CADM1: variants seen among roughly 807,000 people sequenced by gnomAD.
CADM1 encodes TSLC-1.
CADM1 carries 15 observed loss-of-function variants against 53.1 expected under a neutral mutation model. That is an observed-to-expected ratio of 0.28 (90% CI 0.19 to 0.44). CADM1 has a LOEUF of 0.44. CADM1 is among the 20% of genes least tolerant of loss of function. CADM1 has a pLI of 1.00. For synonymous variants in CADM1, 281 were observed against 243.0 expected, an observed-to-expected ratio of 1.16 and a Z score of -1.45; for missense variants, 434 against 611.3, an observed-to-expected ratio of 0.71 and a Z score of 3.06.
chr11:115,422,728 C>T (rs1016211523), intron 1 of CADM1, among the ~76,000 whole-genome samples: 2 of 152,166 alleles, frequency 1.3e-5, no homozygotes, highest in African/African-American at 4.8e-5. Context: ...AAGAGAAAAA[C>T]TATAAGCTGA....
intron 1 of CADM1, among the ~76,000 whole-genome samples, chr11:115,481,292 T>C (rs1949252796): frequency 1.3e-5 from 2 of 152,186 alleles, no homozygotes; most frequent in Admixed American, 1.3e-4. Flanking sequence ...TCTATAGCCA[T>C]GGTGGCCTCC....
intron 1 of CADM1, among the ~76,000 whole-genome samples, chr11:115,278,238 C>T (rs946378274): frequency 5.3e-5 from 8 of 152,192 alleles, no homozygotes; most frequent in African/African-American, 1.9e-4. Context: ...GTAAACACTT[C>T]GAACAGTAAC....
intron 1 of CADM1, among the ~76,000 whole-genome samples, chr11:115,458,845 T>G (rs1294050353): frequency 6.6e-6 from 1 of 152,120 alleles, no homozygotes; most frequent in Non-Finnish European, 1.5e-5. Flanking sequence ...TATTTCTAAG[T>G]TAAGGCATAC....
Position 115,438,730 on chromosome 11 carries a change from G to C in CADM1, c.124+65541C>G, listed in dbSNP as rs186353616. On this transcript the variant is annotated intron_variant, in intron 1 of 11. Transcript: ENST00000331581. ...ATAATATGGTTTGATCAAAAAAAAA[G>C]GTCCATTTATAGAATGCTTTAGTTG... Among the ~76,000 whole-genome samples, 4 of 149,906 alleles carry C rather than the reference G, an allele frequency of 2.7e-5. No homozygotes were observed. The East Asian group carries it at 7.7e-4, about 29-fold the overall frequency.
chr11:115,301,348 C>G (rs1944215979), intron 1 of CADM1, among the ~76,000 whole-genome samples: 1 of 152,028 alleles, frequency 6.6e-6, no homozygotes. Flanking sequence ...AGTAATGAGA[C>G]TTGGGTGTTG....
intron 1 of CADM1, among the ~76,000 whole-genome samples, chr11:115,254,130 C>G (rs1196287144): frequency 1.3e-5 from 2 of 152,144 alleles, no homozygotes; most frequent in Non-Finnish European, 2.9e-5. Flanking sequence ...TCTTGAGCTC[C>G]TTGAGAGCAG....
At chr11:115,177,725 G>GAGTGTGGGCAGAGGGCGA (rs1939102949) in intron 11 of CADM1, among the ~76,000 whole-genome samples, 1 of 150,852 alleles carries the variant, frequency 6.6e-6, no homozygotes, top group Non-Finnish European at 1.5e-5. Flanking sequence ...ACTGCCTCCT[G>GAGTGTGGGCAGAGGGCGA]AGTGTGGGCA....
Position 115,437,308 on chromosome 11 carries a change from T to A in CADM1, c.124+66963A>T, listed in dbSNP as rs528091283. On this transcript the variant is annotated intron_variant, in intron 1 of 11. Transcript: ENST00000331581. ...GGTCTGAAAAGGAAAGGCTTTTTCT[T>A]TTCCTGTTTTAAGGAGAAAACGGGG... is the stretch of plus-strand genomic sequence containing the variant. Among the ~76,000 whole-genome samples the A allele has an allele frequency of 8.2e-4, 125 of 152,276 alleles. 2 individuals are homozygous for A. The highest frequency in any genetic ancestry group is 6.8e-3 in the Middle Eastern group (2 of 294).
intron 1 of CADM1, among the ~76,000 whole-genome samples, chr11:115,305,865 T>A (rs1333907771): frequency 1.7e-5 from 2 of 115,754 alleles, no homozygotes; most frequent in African/African-American, 6.9e-5. Flanking sequence ...GTAAAAAGAA[T>A]ATGCCAGCCT....
At chr11:115,485,835 G>A (rs1729008627) in intron 1 of CADM1, among the ~76,000 whole-genome samples, 1 of 152,184 alleles carries the variant, frequency 6.6e-6, no homozygotes, top group Non-Finnish European at 1.5e-5. Context: ...TGTATCTGCA[G>A]CGCTGCTCTC....
chr11:115,382,301 T>C (rs1946598954), intron 1 of CADM1, among the ~76,000 whole-genome samples: 1 of 152,066 alleles, frequency 6.6e-6, no homozygotes, highest in Non-Finnish European at 1.5e-5. Flanking sequence ...ACTGTTAATA[T>C]AAAGATCCGG....
chr11:115,316,480 G>A (rs545659024), intron 1 of CADM1, among the ~76,000 whole-genome samples: 1 of 152,246 alleles, frequency 6.6e-6, no homozygotes, highest in African/African-American at 2.4e-5. Context: ...GTTCCGAGGC[G>A]GAATTCCGAT....
intron 1 of CADM1, among the ~76,000 whole-genome samples, chr11:115,464,890 G>A (rs1008203553): frequency 1.7e-4 from 26 of 152,182 alleles, no homozygotes; most frequent in African/African-American, 6.0e-4. Flanking sequence ...GCCAGTATCA[G>A]CATCCTTTAT....
At chr11:115,371,638 ATT>A (rs11396249) in intron 1 of CADM1, among the ~76,000 whole-genome samples, 12 of 135,390 alleles carry the variant, frequency 8.9e-5, no homozygotes, top group Non-Finnish European at 9.4e-5. Context: ...GTCAGACTGG[ATT>A]TTTTTTTTTT....
intron 1 of CADM1, among the ~76,000 whole-genome samples, chr11:115,368,089 T>C (rs1478661597): frequency 1.4e-5 from 2 of 145,964 alleles, no homozygotes; most frequent in East Asian, 4.1e-4. Flanking sequence ...GGCACAAAAA[T>C]GTCTTTATTA....
At chr11:115,401,388 C>CACGA (rs535982479) in intron 1 of CADM1, among the ~76,000 whole-genome samples, 1 of 152,138 alleles carries the variant, frequency 6.6e-6, no homozygotes, top group Admixed American at 6.5e-5. Flanking sequence ...GCGGGTGGAT[C>CACGA]ACGAGGTCAG....
intron 1 of CADM1, among the ~76,000 whole-genome samples, chr11:115,268,568 C>T (rs1389264121): frequency 6.6e-6 from 1 of 152,158 alleles, no homozygotes; most frequent in African/African-American, 2.4e-5. Context: ...AGGGAAAGGA[C>T]CCTACCCCAG....
rs575818005 is a variant in CADM1 at position 115,231,581 on chromosome 11, G to A, written c.425-91C>T. 4.2e-5 allele frequency: 52 copies of A among 1,225,452 alleles called. No individual in the cohort carries two copies. The African/African-American group carries it at 6.5e-4, about 15-fold the overall frequency. 75.9% of individuals were successfully genotyped at this position (1,225,452 alleles called of 1,614,324 possible). ...GAGAAAAACAGTAGACATTCCTGAT[G>A]GGAATTTAAATCATCACAAGAGGCG... is the stretch of plus-strand genomic sequence containing the variant. On this transcript the variant is annotated intron_variant, in intron 3 of 11. Transcript: ENST00000331581.
At chr11:115,409,402 GTTTT>G (rs999704620) in intron 1 of CADM1, among the ~76,000 whole-genome samples, 2 of 151,652 alleles carry the variant, frequency 1.3e-5, no homozygotes, top group Non-Finnish European at 2.9e-5. Context: ...CTTATTTTTC[GTTTT>G]TTTTGTTTTG....
Sources: allele counts gnomAD v4.1 joint callset (sites outside exome capture counted in the v4.1 genomes callset), GRCh38; gene constraint gnomAD v4.1.1; transcripts MANE v1.5; gene names NCBI Gene and HGNC (gene_info 2026-07-23, HGNC 2026-07-21).